DOCK1: variants seen among roughly 807,000 people sequenced by gnomAD.
DOCK1 encodes the protein dedicator of cytokinesis 1, also known as dedicator of cytokinesis protein 1.
DOCK1 carries 138 observed loss-of-function variants against 262.7 expected under a neutral mutation model. That is an observed-to-expected ratio of 0.53 (90% CI 0.46 to 0.61). The LOEUF is 0.61. Ranked by LOEUF, DOCK1 falls within the 20% of genes least tolerant of loss-of-function variation. DOCK1 has a pLI of 0.00. For synonymous variants in DOCK1, 866 were observed against 867.4 expected (o/e 1.00, Z 0.03); for missense variants, 1,908 against 2,370.7 (o/e 0.80, Z 4.05).
intron 29 of DOCK1, among the ~76,000 whole-genome samples, chr10:127,316,189 C>T (rs1040958446): frequency 2.0e-5 from 3 of 152,172 alleles, no homozygotes; most frequent in Non-Finnish European, 2.9e-5. Flanking sequence ...AATTTACTCA[C>T]GTAGCAAATT....
intron 1 of DOCK1, among the ~76,000 whole-genome samples, chr10:126,964,400 G>A: frequency 6.6e-6 from 1 of 152,306 alleles, no homozygotes; most frequent in East Asian, 1.9e-4. Flanking sequence ...AACGTGTAGG[G>A]TGTGTGAAGT....
intron 1 of DOCK1, among the ~76,000 whole-genome samples, chr10:126,941,484 C>T (rs2034975728): frequency 1.3e-5 from 2 of 152,322 alleles, no homozygotes; most frequent in African/African-American, 2.4e-5. Context: ...GGGCCGGGCA[C>T]AGTGGCTCAT....
intron 27 of DOCK1, among the ~76,000 whole-genome samples, chr10:127,220,616 A>G (rs2058393561): frequency 6.6e-6 from 1 of 152,088 alleles, no homozygotes; most frequent in African/African-American, 2.4e-5. Context: ...TTTGTGGGGT[A>G]GAGCCAAGCA....
intron 28 of DOCK1, among the ~76,000 whole-genome samples, chr10:127,253,042 G>A (rs2059707053): frequency 6.6e-6 from 1 of 152,082 alleles, no homozygotes; most frequent in African/African-American, 2.4e-5. Flanking sequence ...TGATCCAGAA[G>A]AGAAAAACAA....
intron 1 of DOCK1, among the ~76,000 whole-genome samples, chr10:126,968,366 G>A (rs1443511540): frequency 6.6e-6 from 1 of 152,150 alleles, no homozygotes; most frequent in Non-Finnish European, 1.5e-5. Context: ...ATCTTGACTG[G>A]GTTGCATGAT....
chr10:127,060,332 A>T (rs1199707747), intron 22 of DOCK1, among the ~76,000 whole-genome samples: 1 of 152,118 alleles, frequency 6.6e-6, no homozygotes, highest in Non-Finnish European at 1.5e-5. Context: ...CATCATTTTA[A>T]TTGTTTGGTA....
intron 24 of DOCK1, 91 bp downstream of exon 24, chr10:127,106,392 C>A: frequency 7.3e-7 from 1 of 1,375,494 alleles, no homozygotes; most frequent in Admixed American, 2.1e-5. Context: ...AGGGTTCTGC[C>A]TCATGTCTCC....
intron 27 of DOCK1, among the ~76,000 whole-genome samples, chr10:127,148,163 T>C (rs1025418011): frequency 6.6e-6 from 1 of 151,892 alleles, no homozygotes; most frequent in Admixed American, 6.6e-5. Context: ...AGACAAGTGG[T>C]GTGGAGCCTT....
chr10:127,110,489 A>G (rs2136248048), intron 25 of DOCK1, 135 bp downstream of exon 25: 2 of 752,292 alleles, frequency 2.7e-6, no homozygotes, highest in East Asian at 5.4e-5. Flanking sequence ...CAAGACAGGA[A>G]GATTTAGCCC....
chr10:127,114,012 A>G (rs2132916056), intron 25 of DOCK1, among the ~76,000 whole-genome samples: 1 of 152,266 alleles, frequency 6.6e-6, no homozygotes, highest in African/African-American at 2.4e-5. Flanking sequence ...AAAATTAACC[A>G]TCACAGAGTA....
chr10:127,415,899 A>G (rs1277776358), intron 44 of DOCK1, among the ~76,000 whole-genome samples: 1 of 139,788 alleles, frequency 7.2e-6, no homozygotes. Flanking sequence ...CAATATAAAA[A>G]CATCTGATTG....
intron 44 of DOCK1, among the ~76,000 whole-genome samples, chr10:127,415,792 C>A (rs781714954): frequency 8.5e-5 from 13 of 152,212 alleles, no homozygotes; most frequent in Non-Finnish European, 1.9e-4. Flanking sequence ...GTGAAACTCA[C>A]ATTTGCAGTG....
intron 32 of DOCK1, 100 bp from the exon 33 acceptor site, chr10:127,361,964 C>T: frequency 7.6e-7 from 1 of 1,321,798 alleles, no homozygotes. Context: ...TCCTGCTGCT[C>T]AAAGTCACAG....
intron 27 of DOCK1, among the ~76,000 whole-genome samples, chr10:127,128,714 A>G (rs1359349480): frequency 2.6e-5 from 4 of 152,152 alleles, no homozygotes; most frequent in East Asian, 3.9e-4. Flanking sequence ...TGCAAAGGAC[A>G]TGAACTCATT....
chr10:127,010,518 C>T (rs957972721), intron 11 of DOCK1, among the ~76,000 whole-genome samples: 5 of 152,164 alleles, frequency 3.3e-5, no homozygotes, highest in African/African-American at 1.2e-4. Flanking sequence ...GTTCTTCAGT[C>T]ACATTGGTCC....
At chr10:127,022,325 C>G (rs1324776775) in intron 13 of DOCK1, among the ~76,000 whole-genome samples, 1 of 151,874 alleles carries the variant, frequency 6.6e-6, no homozygotes, top group African/African-American at 2.4e-5. Flanking sequence ...TTCTTTTTTT[C>G]TTTATTTTTA....
At chr10:126,960,255 T>G (rs2037091560) in intron 1 of DOCK1, among the ~76,000 whole-genome samples, 1 of 151,922 alleles carries the variant, frequency 6.6e-6, no homozygotes, top group Non-Finnish European at 1.5e-5. Flanking sequence ...GCTGCTGAGA[T>G]GGAGAAGATG....
At chr10:127,161,717 C>G (rs1453785658) in intron 27 of DOCK1, among the ~76,000 whole-genome samples, 1 of 152,162 alleles carries the variant, frequency 6.6e-6, no homozygotes, top group African/African-American at 2.4e-5. Flanking sequence ...CCCCACTCTC[C>G]TCGCCTCTGC....
intron 6 of DOCK1, among the ~76,000 whole-genome samples, chr10:126,994,203 A>G (rs1010328748): frequency 6.6e-6 from 1 of 152,240 alleles, no homozygotes; most frequent in African/African-American, 2.4e-5. Flanking sequence ...CTTTTGTTAC[A>G]CAGTTGTCTG....
Sources: gnomAD v4.1 joint callset for allele counts (sites outside exome capture counted in the v4.1 genomes callset) on GRCh38, gnomAD v4.1.1 for gene constraint, MANE v1.5 for transcripts, NCBI Gene and HGNC (gene_info 2026-07-23, HGNC 2026-07-21) for gene names.